Variants in NCKAP5 observed in about 807,000 individuals in gnomAD.
NCKAP5 encodes the protein nck-associated protein 5.
Under a neutral mutation model 167.0 loss-of-function variants are expected in NCKAP5, and 92 were observed. That is an observed-to-expected ratio of 0.55 (90% CI 0.47 to 0.66). The LOEUF (loss-of-function observed/expected upper bound fraction) is 0.66, where lower values mean the gene tolerates loss of function less well. Among genes scored for constraint, NCKAP5 ranks in the 30% least tolerant of loss-of-function variants. The pLI is 0.00. For missense variants in NCKAP5, 2,378 were observed against 2,315.0 expected (o/e 1.03, Z -0.56); for synonymous variants, 891 against 877.4 (o/e 1.02, Z -0.27).
intron 11 of NCKAP5, among the ~76,000 whole-genome samples, chr2:132,807,184 G>A (rs1433406303): frequency 6.6e-6 from 1 of 152,162 alleles, no homozygotes; most frequent in East Asian, 1.9e-4. Flanking sequence ...TTTGAAATTG[G>A]TTAGTGTGAT....
intron 9 of NCKAP5, among the ~76,000 whole-genome samples, chr2:132,874,857 G>T (rs1212239506): frequency 6.6e-6 from 1 of 152,012 alleles, no homozygotes; most frequent in South Asian, 2.1e-4. Flanking sequence ...TGATGCAAAG[G>T]GCTCCCAGAA....
intron 10 of NCKAP5, among the ~76,000 whole-genome samples, chr2:132,868,344 T>G (rs1048989607): frequency 1.3e-5 from 2 of 152,166 alleles, no homozygotes; most frequent in Admixed American, 6.6e-5. Context: ...TGATCTGATG[T>G]TGTCTGCAGG....
chr2:133,584,992 A>T, the NCKAP5 span, among the ~76,000 whole-genome samples: 1 of 147,376 alleles, frequency 6.8e-6, no homozygotes, highest in African/African-American at 2.5e-5. Context: ...GAAGGAAGGA[A>T]GGAGGGAAAG....
At chr2:133,603,075 G>A in the NCKAP5 span, among the ~76,000 whole-genome samples, 5 of 152,102 alleles carry the variant, frequency 3.3e-5, no homozygotes, top group Admixed American at 6.6e-5. Context: ...GATGTTTATC[G>A]GATAGCCAAA....
intron 6 of NCKAP5, among the ~76,000 whole-genome samples, chr2:133,128,723 G>A (rs371095125): frequency 6.1e-4 from 92 of 151,988 alleles, no homozygotes; most frequent in African/African-American, 2.1e-3. Flanking sequence ...TCAGCCTCCC[G>A]AGTAGCTGGG....
intron 6 of NCKAP5, among the ~76,000 whole-genome samples, chr2:133,008,198 C>T (rs985575877): frequency 1.3e-5 from 2 of 151,994 alleles, no homozygotes; most frequent in African/African-American, 4.8e-5. Context: ...TTTTTTCCTC[C>T]GTTGGTTGAC....
At chr2:133,193,094 C>A (rs565896814) in intron 5 of NCKAP5, among the ~76,000 whole-genome samples, 1 of 151,996 alleles carries the variant, frequency 6.6e-6, no homozygotes, top group Non-Finnish European at 1.5e-5. Flanking sequence ...TTCATGCATA[C>A]AACAACTTGA....
Position 132,783,779 on chromosome 2 carries a change from G to A in NCKAP5, c.3032C>T (p.Ser1011Phe), listed in dbSNP as rs763262058. 4 of 1,578,228 alleles carry A rather than the reference G, an allele frequency of 2.5e-6. No individual in the cohort carries two copies. The highest frequency in any genetic ancestry group is 3.4e-6 in the Non-Finnish European group (4 of 1,163,594). Residue 1011 changes from serine to phenylalanine, a missense_variant, in exon 14 of 20, where the codon TCC becomes TTC. Ser to Phe is a radical substitution (Grantham distance 155). Coordinates refer to ENST00000409261, the MANE Select transcript of NCKAP5 (RefSeq NM_207363.3). The part of the protein sequence containing the change: ...KKPIFTHPMP[S>F]PEAVIQTRCP... ...TCGGGTTTGAATGACTGCTTCTGGGGAGGGCATAGGGTGAGTGAAGATAGG... is the reference window on the plus strand; with the variant it reads ...TCGGGTTTGAATGACTGCTTCTGGGAAGGGCATAGGGTGAGTGAAGATAGG...
intron 4 of NCKAP5, among the ~76,000 whole-genome samples, chr2:133,242,620 T>C (rs1337350678): frequency 6.6e-6 from 1 of 152,232 alleles, no homozygotes; most frequent in Non-Finnish European, 1.5e-5. Flanking sequence ...CTGGAAATAA[T>C]ACTGCTACTG....
intron 16 of NCKAP5, among the ~76,000 whole-genome samples, chr2:132,752,271 G>A (rs1011144737): frequency 2.0e-4 from 31 of 152,222 alleles, no homozygotes; most frequent in South Asian, 2.1e-4. Flanking sequence ...GTTCCCTTAC[G>A]GTGAGGGGAA....
At chr2:133,668,309 G>C in the NCKAP5 span, among the ~76,000 whole-genome samples, 1 of 152,014 alleles carries the variant, frequency 6.6e-6, no homozygotes, top group Non-Finnish European at 1.5e-5. Flanking sequence ...GAGTGGACCT[G>C]ATGCATCATA....
At chr2:132,838,256 A>T (rs949660598) in intron 11 of NCKAP5, among the ~76,000 whole-genome samples, 1 of 152,072 alleles carries the variant, frequency 6.6e-6, no homozygotes, top group African/African-American at 2.4e-5. Flanking sequence ...TATTTGCTCA[A>T]TGCCAATACT....
chr2:133,238,315 A>G (rs983792430), intron 4 of NCKAP5, among the ~76,000 whole-genome samples: 2 of 152,064 alleles, frequency 1.3e-5, no homozygotes, highest in Admixed American at 6.6e-5. Flanking sequence ...ATAGAACTCA[A>G]TCTCCCACAT....
the NCKAP5 span, among the ~76,000 whole-genome samples, chr2:133,645,040 C>T: frequency 6.6e-6 from 1 of 152,084 alleles, no homozygotes; most frequent in Non-Finnish European, 1.5e-5. Context: ...AATTATCCTG[C>T]CAGCAGTATG....
chr2:133,469,569 T>C lies in NCKAP5; in HGVS notation c.69+47889A>G, dbSNP rs192703716. Reference sequence around the variant, plus strand: ...CTGAATGTTGGCCTACCTTGCTAGATTGGGGAAGTTCTCCTGGATAATATC... The same window carrying C: ...CTGAATGTTGGCCTACCTTGCTAGACTGGGGAAGTTCTCCTGGATAATATC... On this transcript the variant is annotated intron_variant, in intron 3 of 19. Transcript: ENST00000409261. Among the ~76,000 whole-genome samples, 441 of 152,236 alleles carry C rather than the reference T, an allele frequency of 2.9e-3. 5 individuals are homozygous for C. The highest frequency in any genetic ancestry group is 9.8e-3 in the African/African-American group (405 of 41,532).
At chr2:133,186,409 C>T (rs550683581) in intron 5 of NCKAP5, among the ~76,000 whole-genome samples, 3 of 151,944 alleles carry the variant, frequency 2.0e-5, no homozygotes, top group South Asian at 2.1e-4. Flanking sequence ...TATCGGCCTG[C>T]GGTTTTCTGT....
chr2:132,939,138 G>C (rs1697080972), intron 8 of NCKAP5, among the ~76,000 whole-genome samples: 1 of 152,046 alleles, frequency 6.6e-6, no homozygotes, highest in African/African-American at 2.4e-5. Context: ...GAAAAAAAAT[G>C]ACCTTTTAAA....
At chr2:132,970,177 A>G (rs2076790959) in intron 7 of NCKAP5, among the ~76,000 whole-genome samples, 1 of 152,204 alleles carries the variant, frequency 6.6e-6, no homozygotes, top group Non-Finnish European at 1.5e-5. Flanking sequence ...GTATTTTTTA[A>G]AAAATCAAGT....
At chr2:133,380,894 A>G (rs750614107) in intron 3 of NCKAP5, among the ~76,000 whole-genome samples, 18 of 152,234 alleles carry the variant, frequency 1.2e-4, no homozygotes, top group Non-Finnish European at 2.2e-4. Context: ...CAGATTGTCC[A>G]TTTAAAAATA....
Sources: allele counts gnomAD v4.1 joint callset (sites outside exome capture counted in the v4.1 genomes callset), GRCh38; gene constraint gnomAD v4.1.1; transcripts MANE v1.5; gene names NCBI Gene and HGNC (gene_info 2026-07-23, HGNC 2026-07-21).